Variants in PLXDC2 observed in about 807,000 individuals in gnomAD.
The protein encoded by PLXDC2 is plexin domain containing 2.
A neutral mutation model predicts 68.9 loss-of-function variants in PLXDC2; 40 were observed. The observed-to-expected ratio is 0.58, with a 90% CI of 0.45 to 0.76. The LOEUF (loss-of-function observed/expected upper bound fraction) is 0.76. PLXDC2 is among the 30% of genes least tolerant of loss of function. The pLI is 0.00. For missense variants in PLXDC2, 644 were observed against 661.9 expected, an observed-to-expected ratio of 0.97 and a Z score of 0.30; for synonymous variants, 243 against 234.2, an observed-to-expected ratio of 1.04 and a Z score of -0.34.
At chr10:20,267,988 C>G (rs1835892750) in intron 13 of PLXDC2, among the ~76,000 whole-genome samples, 1 of 152,058 alleles carries the variant, frequency 6.6e-6, no homozygotes, top group Admixed American at 6.6e-5. Context: ...GTGGAGGTTA[C>G]ATGAATCTGT....
intron 1 of PLXDC2, among the ~76,000 whole-genome samples, chr10:19,971,065 A>T (rs374694487): frequency 6.6e-6 from 1 of 152,166 alleles, no homozygotes; most frequent in African/African-American, 2.4e-5. Flanking sequence ...TCTTTGTCTT[A>T]GTAAGACTTT....
At chr10:20,071,680 A>G (rs1241049888) in intron 4 of PLXDC2, among the ~76,000 whole-genome samples, 1 of 152,194 alleles carries the variant, frequency 6.6e-6, no homozygotes, top group Non-Finnish European at 1.5e-5. Flanking sequence ...TGGGTATGCC[A>G]TGAGAAAAGA....
chr10:19,828,897 C>G (rs1409149596), intron 1 of PLXDC2, among the ~76,000 whole-genome samples: 1 of 152,104 alleles, frequency 6.6e-6, no homozygotes, highest in East Asian at 1.9e-4. Flanking sequence ...CACCTTACCT[C>G]CAAAGTTGCC....
chr10:20,201,040 G>A (rs565434583), intron 9 of PLXDC2, among the ~76,000 whole-genome samples: 11 of 152,146 alleles, frequency 7.2e-5, no homozygotes, highest in Non-Finnish European at 1.0e-4. Context: ...TGATGCAAAG[G>A]AAGGGAAATC....
rs143853234 is a variant in PLXDC2, at chr10:19,829,139, G to A, written c.112+11948G>A. Among the ~76,000 whole-genome samples the A allele has an allele frequency of 5.5e-3, 777 of 142,434 alleles. 3 individuals carry two copies. The highest frequency in any genetic ancestry group is 8.4e-3 in the Non-Finnish European group (556 of 66,434). 93.4% of individuals were successfully genotyped at this position (142,434 alleles called of 152,430 possible). A position where few individuals can be genotyped will look rare whatever the true frequency, so the allele number is the denominator to read the frequency against. ...TGTGCACGTGCTTTTACCTCTTTTT[G>A]GTGCACGCTTTCCTCTTTTTTTTTT... On this transcript the variant is annotated intron_variant, in intron 1 of 13. Transcript: ENST00000377252.
chr10:19,992,552 C>G (rs1834767404), intron 1 of PLXDC2, among the ~76,000 whole-genome samples: 1 of 152,084 alleles, frequency 6.6e-6, no homozygotes, highest in African/African-American at 2.4e-5. Flanking sequence ...AAGAGATTAT[C>G]ATTATCACAG....
chr10:19,915,375 A>G (rs1243036146), intron 1 of PLXDC2, among the ~76,000 whole-genome samples: 1 of 152,212 alleles, frequency 6.6e-6, no homozygotes, highest in Non-Finnish European at 1.5e-5. Context: ...GGCACTTCAA[A>G]TGAAATGTAT....
Position 20,245,363 on chromosome 10 carries a change from C to T in PLXDC2, c.1331C>T (p.Ala444Val). The T allele has an allele frequency of 6.2e-7, 1 of 1,612,726 alleles. No homozygotes were observed. Among genetic ancestry groups the T allele is most frequent in the Non-Finnish European group, 8.5e-7 (1 of 1,179,264 alleles). Residue 444 changes from alanine to valine, a missense_variant, in exon 13 of 14, where the codon GCA becomes GTA. Around this residue, in one of 3 missense-constraint regions of PLXDC2, gnomAD observed 330 missense variants for 327.9 expected, o/e 1.01. Coordinates refer to ENST00000377252, the MANE Select transcript of PLXDC2 (RefSeq NM_032812.9). ...CTTTCAGCTTCTACAGATGACAGTG[C>T]AGCTGAGAAGAAAGGGGGAACCCTC... ...KDNGASTDDS[A>V]AEKKGGTLHA... is the part of the protein sequence containing the mutation.
chr10:20,084,880 G>GAAA (rs11315173), intron 4 of PLXDC2, among the ~76,000 whole-genome samples: 1 of 140,022 alleles, frequency 7.1e-6, no homozygotes, highest in Non-Finnish European at 1.6e-5. Flanking sequence ...CGTGGCAGAG[G>GAAA]AAAAAAAAAA....
intron 2 of PLXDC2, among the ~76,000 whole-genome samples, chr10:20,021,562 T>C (rs1233665697): frequency 6.6e-6 from 1 of 152,118 alleles, no homozygotes; most frequent in African/African-American, 2.4e-5. Flanking sequence ...CATCCTGACC[T>C]CTGTACACAA....
At chr10:20,249,461 T>C (rs1835642075) in intron 13 of PLXDC2, among the ~76,000 whole-genome samples, 1 of 152,196 alleles carries the variant, frequency 6.6e-6, no homozygotes, top group Admixed American at 6.5e-5. Flanking sequence ...CAGGGGATAA[T>C]CGTTTCCTTG....
chr10:19,819,096 A>C (rs1836414438), intron 1 of PLXDC2, among the ~76,000 whole-genome samples: 1 of 152,048 alleles, frequency 6.6e-6, no homozygotes, highest in African/African-American at 2.4e-5. Flanking sequence ...CAAGAAGTTC[A>C]GAAATTGAGG....
intron 1 of PLXDC2, among the ~76,000 whole-genome samples, chr10:20,000,394 C>T (rs1834914889): frequency 6.6e-6 from 1 of 151,192 alleles, no homozygotes; most frequent in East Asian, 1.9e-4. Context: ...CTCTGTGGTC[C>T]TTTTGAGCTC....
intron 4 of PLXDC2, among the ~76,000 whole-genome samples, chr10:20,082,070 A>AACAAAAAC (rs1554765385): frequency 2.5e-4 from 30 of 121,984 alleles, no homozygotes; most frequent in Non-Finnish European, 4.0e-4. Flanking sequence ...AAATCAAAAA[A>AACAAAAAC]AAAAAACAGG....
At chr10:20,016,912 G>A (rs1384231511) in intron 2 of PLXDC2, among the ~76,000 whole-genome samples, 2 of 152,152 alleles carry the variant, frequency 1.3e-5, no homozygotes, top group Admixed American at 1.3e-4. Context: ...ACAATGAGGG[G>A]GCTTACAGGG....
chr10:20,262,706 G>A (rs1477357286), intron 13 of PLXDC2, among the ~76,000 whole-genome samples: 1 of 152,216 alleles, frequency 6.6e-6, no homozygotes, highest in African/African-American at 2.4e-5. Context: ...CATCTTTACT[G>A]TTTCATAGTT....
intron 1 of PLXDC2, among the ~76,000 whole-genome samples, chr10:19,931,530 A>C (rs1016294193): frequency 6.6e-6 from 1 of 152,200 alleles, no homozygotes. Flanking sequence ...CCTTCAGCAA[A>C]TCTTTTTTGA....
At chr10:19,896,537 A>G (rs527679265) in intron 1 of PLXDC2, among the ~76,000 whole-genome samples, 1 of 152,310 alleles carries the variant, frequency 6.6e-6, no homozygotes, top group Admixed American at 6.5e-5. Flanking sequence ...TCCTCAATAA[A>G]TGCTTGTTAT....
intron 2 of PLXDC2, among the ~76,000 whole-genome samples, chr10:20,041,097 T>C (rs1270611414): frequency 6.6e-5 from 10 of 152,200 alleles, no homozygotes; most frequent in Admixed American, 3.3e-4. Flanking sequence ...TTTGCTATAG[T>C]TTCTCTCTTC....
Sources: gnomAD v4.1 joint callset for allele counts (sites outside exome capture counted in the v4.1 genomes callset) on GRCh38, gnomAD v4.1.1 for gene constraint, gnomAD v4.1.1 regional missense constraint, MANE v1.5 for transcripts, NCBI Gene and HGNC (gene_info 2026-07-23, HGNC 2026-07-21) for gene names.